The following PALS1 variants were observed in gnomAD, a reference collection of about 807,000 sequenced individuals.
The protein encoded by PALS1 is protein PALS1.
PALS1 carries 31 observed loss-of-function variants against 78.9 expected under a neutral mutation model. That is an observed-to-expected ratio of 0.39 (90% confidence interval 0.30 to 0.53). The LOEUF (loss-of-function observed/expected upper bound fraction) is 0.53, where lower values mean the gene tolerates loss of function less well. Among genes scored for constraint, PALS1 ranks in the 20% least tolerant of loss-of-function variants. The pLI, the probability that PALS1 is intolerant of heterozygous loss-of-function variation, is 0.67. For synonymous variants in PALS1, 276 were observed against 270.9 expected, an observed-to-expected ratio of 1.02 and a Z score of -0.18; for missense variants, 704 against 826.5, an observed-to-expected ratio of 0.85 and a Z score of 1.82.
intron 3 of PALS1, among the ~76,000 whole-genome samples, chr14:67,287,795 TGGC>T (rs2084713645): frequency 6.6e-6 from 1 of 152,240 alleles, no homozygotes; most frequent in African/African-American, 2.4e-5. Flanking sequence ...AAAGGCTACA[TGGC>T]GTAGCAAAAT....
intron 1 of PALS1, chr14:67,254,348 A>T (rs2084113322): frequency 1.3e-5 from 2 of 151,928 alleles, no homozygotes; most frequent in African/African-American, 4.8e-5. Context: ...TTAGATTTGC[A>T]GTATAGTTAT....
chr14:67,280,853 T>TTCCTTCCCTCCTTCCCTCCC lies in PALS1; in HGVS notation c.367+1319_367+1320insTTCCCTCCTTCCCTCCCTCC, dbSNP rs1328488242. On this transcript the variant is annotated intron_variant, in intron 3 of 14. Coordinates refer to ENST00000261681, the MANE Select transcript of PALS1 (RefSeq NM_022474.4). ...CTTCCTTCCTTCCTTCCTTCCTTCCTTCCCTCCCTCCCTCCCTCCCTCCCT... is the reference window on the plus strand; with the variant it reads ...CTTCCTTCCTTCCTTCCTTCCTTCCTTCCTTCCCTCCTTCCCTCCCTCCCTCCCTCCCTCCCTCCCTCCCT... Among the ~76,000 whole-genome samples, 43 of 77,568 alleles carry TTCCTTCCCTCCTTCCCTCCC rather than the reference T, an allele frequency of 5.5e-4. No individual in the cohort carries two copies. In the East Asian group the frequency reaches 0.017, roughly 30 times the overall value. 50.9% of individuals were successfully genotyped at this position (77,568 alleles called of 152,430 possible). A position where few individuals can be genotyped will look rare whatever the true frequency, so the allele number is the denominator to read the frequency against.
chr14:67,322,191 A>T (rs952894451), intron 13 of PALS1, among the ~76,000 whole-genome samples: 1 of 151,870 alleles, frequency 6.6e-6, no homozygotes, highest in Non-Finnish European at 1.5e-5. Flanking sequence ...ACCAAAAATT[A>T]AAAAAAATTA....
rs1364501981 is a variant in PALS1 at position 67,335,880 on chromosome 14, CCCT to C, written c.*2929_*2931del. ...AAGGTTTCCACACATGTAAAGACCA[CCCT>C]CCTCTTCAAGTTTTTGCCAAAAGCA... On this transcript the variant is annotated 3_prime_UTR_variant, in exon 15 of 15. Transcript: ENST00000261681. 1 of 152,236 alleles carries C rather than the reference CCCT, an allele frequency of 6.6e-6. No homozygotes were observed. The highest frequency in any genetic ancestry group is 1.5e-5 in the Non-Finnish European group (1 of 68,048). The allele number at this position is 152,236 out of a possible 1,614,324, so 9.4% of individuals were successfully genotyped here.
intron 13 of PALS1, among the ~76,000 whole-genome samples, chr14:67,323,245 G>A (rs2085292630): frequency 1.4e-5 from 2 of 141,206 alleles, no homozygotes; most frequent in African/African-American, 5.7e-5. Context: ...GTGTGTGTGT[G>A]TGTGTGTGTG....
intron 14 of PALS1, among the ~76,000 whole-genome samples, chr14:67,326,105 G>A (rs999489117): frequency 2.0e-5 from 3 of 150,178 alleles, no homozygotes; most frequent in Non-Finnish European, 4.4e-5. Flanking sequence ...GATTACAGGC[G>A]TGAGCCACCG....
At chr14:67,320,471 G>A (rs1438553530) in intron 12 of PALS1, 74 bp downstream of exon 12, 5 of 1,358,360 alleles carry the variant, frequency 3.7e-6, no homozygotes, top group Non-Finnish European at 4.8e-6. Context: ...ATCATGTAGG[G>A]AAATTTTTTA....
rs1174969217 is a variant in PALS1, at chr14:67,333,251, A to C, written c.*295A>C. 4.3e-6 allele frequency: 1 copy of C among 232,994 alleles called. No individual in the cohort carries two copies. 14.4% of individuals were successfully genotyped at this position (232,994 alleles called of 1,614,324 possible). On this transcript the variant is annotated 3_prime_UTR_variant, in exon 15 of 15. Coordinates refer to ENST00000261681, the MANE Select transcript of PALS1 (RefSeq NM_022474.4). ...CTGTTAAAACCTTTTGTTTTCACCT[A>C]AACCCTTTCTGCTTAGTTGTATCTC...
chr14:67,296,537 G>A (rs1251172265), intron 4 of PALS1, among the ~76,000 whole-genome samples: 1 of 137,444 alleles, frequency 7.3e-6, no homozygotes, highest in South Asian at 2.3e-4. Flanking sequence ...AGCCAAGATC[G>A]TGCCACTGCA....
rs367547473 is a variant in PALS1, at chr14:67,279,126, G to A, written c.-45G>A. 465 of 1,497,122 alleles carry A rather than the reference G, an allele frequency of 3.1e-4. No individual in the cohort carries two copies. The highest frequency in any genetic ancestry group is 3.3e-4 in the Non-Finnish European group (368 of 1,126,188). 92.7% of individuals were successfully genotyped at this position (1,497,122 alleles called of 1,614,324 possible). A position where few individuals can be genotyped will look rare whatever the true frequency, so the allele number is the denominator to read the frequency against. ...CAGAATCAAGAGAATTGGCTTATAG[G>A]AAAAATTGATTTATAAAAAGTGGTA... On this transcript the variant is annotated 5_prime_UTR_variant, in exon 3 of 15. Coordinates refer to ENST00000261681, the MANE Select transcript of PALS1 (RefSeq NM_022474.4).
chr14:67,301,451 T>C lies in PALS1; in HGVS notation c.639T>C (p.Asn213=), dbSNP rs1310318913. The change falls in exon 5 of 15, where the codon AAT becomes AAC. Residue 213 remains asparagine (N), a synonymous_variant. Coordinates refer to ENST00000261681, the MANE Select transcript of PALS1 (RefSeq NM_022474.4). ...KEGQELTALL[N]TPHIQALLLA... ...GACAAGAACTAACTGCTTTGCTGAA[T>C]ACTCCACATATTCAGGTAGAAAATG... The C allele has an allele frequency of 6.2e-7, 1 of 1,610,298 alleles. No homozygotes were observed.
At chr14:67,313,799 T>C (rs1382111891) in intron 9 of PALS1, among the ~76,000 whole-genome samples, 1 of 152,158 alleles carries the variant, frequency 6.6e-6, no homozygotes, top group Admixed American at 6.5e-5. Context: ...CTGTGTCCCC[T>C]ACTTTATAAT....
At chr14:67,299,059 C>G (rs1343845173) in intron 4 of PALS1, among the ~76,000 whole-genome samples, 1 of 152,212 alleles carries the variant, frequency 6.6e-6, no homozygotes, top group Non-Finnish European at 1.5e-5. Context: ...AATTTGACCA[C>G]TTACCTATTG....
intron 5 of PALS1, 50 bp downstream of exon 5, chr14:67,301,516 AT>A (rs1157511562): frequency 3.6e-6 from 5 of 1,377,508 alleles, no homozygotes; most frequent in South Asian, 1.3e-5. Context: ...GCATTCTTCT[AT>A]TTTTTTAAAT....
rs2084564321 is a variant in PALS1, at chr14:67,279,301, G to A, written c.131G>A (p.Gly44Asp). Residue 44 changes from glycine (G) to aspartate (D), a missense_variant, in exon 3 of 15, where the codon GGC becomes GAC. By Grantham distance (94) the Gly-to-Asp change is moderately conservative (BLOSUM62 -1). Transcript: ENST00000261681. ...EMAVDCPGDL[G>D]TRMMPIRRSA... is the part of the protein sequence containing the mutation. ...GCTGTTGACTGCCCTGGAGATTTGG[G>A]CACCAGGATGATGCCAATACGTCGA... The A allele has an allele frequency of 1.2e-6, 2 of 1,613,876 alleles. No individual in the cohort carries two copies. Among genetic ancestry groups the A allele is most frequent in the East Asian group, 4.5e-5 (2 of 44,874 alleles).
intron 3 of PALS1, among the ~76,000 whole-genome samples, chr14:67,288,445 G>A (rs983350763): frequency 2.6e-5 from 4 of 152,050 alleles, no homozygotes; most frequent in African/African-American, 4.8e-5. Flanking sequence ...TAATCCTAGC[G>A]CTTTGGGTGG....
At chr14:67,282,254 C>A (rs1283561447) in intron 3 of PALS1, among the ~76,000 whole-genome samples, 2 of 152,052 alleles carry the variant, frequency 1.3e-5, no homozygotes, top group Non-Finnish European at 1.5e-5. Context: ...GAGAAGTACT[C>A]CCTGAACATT....
At chr14:67,301,188 T>C (rs1489199648) in intron 4 of PALS1, among the ~76,000 whole-genome samples, 6 of 152,252 alleles carry the variant, frequency 3.9e-5, no homozygotes, top group African/African-American at 1.2e-4. Flanking sequence ...CAAAATATTA[T>C]TTAGTGTTTT....
intron 4 of PALS1, among the ~76,000 whole-genome samples, chr14:67,293,764 G>C (rs2084806008): frequency 6.6e-6 from 1 of 152,108 alleles, no homozygotes; most frequent in Non-Finnish European, 1.5e-5. Flanking sequence ...AAGTGAACTG[G>C]TTTCAAATCC....
Sources: allele counts gnomAD v4.1 joint callset (sites outside exome capture counted in the v4.1 genomes callset), GRCh38; gene constraint gnomAD v4.1.1; transcripts MANE v1.5; gene names NCBI Gene and HGNC (gene_info 2026-07-23, HGNC 2026-07-21).